Variants in RSU1 observed in about 807,000 individuals in gnomAD.
The protein encoded by RSU1 is rsu-1.
Under a neutral mutation model 31.1 loss-of-function variants are expected in RSU1, and 26 were observed. The ratio of observed to expected loss-of-function variants is 0.84; its 90% CI spans 0.61 to 1.16. RSU1 has a LOEUF of 1.16. RSU1 is among the 50% of genes most tolerant of loss of function. RSU1 has a pLI of 0.00. For synonymous variants in RSU1, 164 were observed against 136.3 expected, an observed-to-expected ratio of 1.20 and a Z score of -1.41; for missense variants, 320 against 339.1, an observed-to-expected ratio of 0.94 and a Z score of 0.44.
chr10:16,650,125 G>A (rs570145943), intron 8 of RSU1, among the ~76,000 whole-genome samples: 12 of 152,026 alleles, frequency 7.9e-5, no homozygotes, highest in Non-Finnish European at 1.8e-4. Context: ...ATGGAATCAC[G>A]CTAACAGAAA....
chr10:16,746,083 T>C (rs1396829558), intron 7 of RSU1, among the ~76,000 whole-genome samples: 1 of 152,218 alleles, frequency 6.6e-6, no homozygotes, highest in Non-Finnish European at 1.5e-5. Context: ...CACTCATTGT[T>C]AATTCTGTTT....
At chr10:16,694,721 C>G (rs898839574) in intron 8 of RSU1, among the ~76,000 whole-genome samples, 4 of 152,076 alleles carry the variant, frequency 2.6e-5, no homozygotes, top group African/African-American at 9.7e-5. Flanking sequence ...CAAGCATGCA[C>G]TACCATGCCT....
chr10:16,722,871 T>C (rs1474713719), intron 7 of RSU1, among the ~76,000 whole-genome samples: 3 of 143,032 alleles, frequency 2.1e-5, no homozygotes, highest in Non-Finnish European at 4.7e-5. Context: ...CATATATGTA[T>C]ATATACACAC....
chr10:16,628,101 CCTGT>C (rs915381174), intron 8 of RSU1, among the ~76,000 whole-genome samples: 42 of 152,286 alleles, frequency 2.8e-4, no homozygotes, highest in African/African-American at 9.1e-4. Context: ...ACTTCATTAG[CCTGT>C]CTATTACAAA....
Position 16,592,180 on chromosome 10 carries a change from C to A in RSU1, c.*1214G>T, listed in dbSNP as rs993948787. 6.6e-6 allele frequency: 1 copy of A among 152,172 alleles called. No homozygotes were observed. The highest frequency in any genetic ancestry group is 6.5e-5 in the Admixed American group (1 of 15,276). 9.4% of individuals were successfully genotyped at this position (152,172 alleles called of 1,614,324 possible). On this transcript the variant is annotated 3_prime_UTR_variant, in exon 9 of 9. Coordinates refer to ENST00000345264, the MANE Select transcript of RSU1 (RefSeq NM_012425.4). ...CCAGTGGGTCCTGGTCTTGGGAGCT[C>A]AACTGGGAAGCCGAAAGGACACAGC...
At chr10:16,605,368 C>G (rs1833785352) in intron 8 of RSU1, among the ~76,000 whole-genome samples, 1 of 152,150 alleles carries the variant, frequency 6.6e-6, no homozygotes, top group African/African-American at 2.4e-5. Flanking sequence ...CCTTATCTGT[C>G]TTGTTCAGTG....
chr10:16,786,013 G>A (rs1472913957), intron 2 of RSU1, among the ~76,000 whole-genome samples: 2 of 152,130 alleles, frequency 1.3e-5, no homozygotes, highest in Non-Finnish European at 2.9e-5. Flanking sequence ...AGACATTTTG[G>A]ATTGTAACAA....
intron 8 of RSU1, among the ~76,000 whole-genome samples, chr10:16,599,838 T>A (rs1833685655): frequency 6.6e-6 from 1 of 152,116 alleles, no homozygotes; most frequent in East Asian, 1.9e-4. Context: ...TTGGTGTAGA[T>A]CTTTCTGGGA....
At chr10:16,806,878 C>G (rs1245455790) in intron 2 of RSU1, among the ~76,000 whole-genome samples, 2 of 152,162 alleles carry the variant, frequency 1.3e-5, no homozygotes, top group African/African-American at 2.4e-5. Context: ...CTCAGCCTCC[C>G]AAGTAGCTGG....
intron 8 of RSU1, among the ~76,000 whole-genome samples, chr10:16,639,864 A>G (rs374403868): frequency 6.6e-6 from 1 of 152,352 alleles, no homozygotes; most frequent in East Asian, 1.9e-4. Context: ...TAGCACCTAG[A>G]AACAACCCAG....
chr10:16,603,109 C>T (rs1026551096), intron 8 of RSU1, among the ~76,000 whole-genome samples: 2 of 152,148 alleles, frequency 1.3e-5, no homozygotes, highest in Non-Finnish European at 2.9e-5. Context: ...CAGCGTGTGT[C>T]TGTCACATTC....
intron 8 of RSU1, among the ~76,000 whole-genome samples, chr10:16,644,071 C>G (rs1834492636): frequency 6.7e-6 from 1 of 150,062 alleles, no homozygotes; most frequent in African/African-American, 2.5e-5. Context: ...TAAGCATCTG[C>G]AGATTTTGGT....
intron 2 of RSU1, among the ~76,000 whole-genome samples, chr10:16,792,700 AC>A (rs1391401297): frequency 6.6e-6 from 1 of 152,226 alleles, no homozygotes; most frequent in African/African-American, 2.4e-5. Context: ...GCAGTTGTGC[AC>A]AGAGACAGCC....
chr10:16,804,345 G>A lies in RSU1; in HGVS notation c.109+12628C>T, dbSNP rs527746196. ...TGCTGGTGAGGATGTGGAGCAACAG[G>A]AAACCTCATTCTTTATTGGTAGAAA... On this transcript the variant is annotated intron_variant, in intron 2 of 8. Transcript: ENST00000345264. Among the ~76,000 whole-genome samples, 33 of 152,328 alleles carry A rather than the reference G, an allele frequency of 2.2e-4. 1 individual carries two copies. The South Asian group carries it at 6.6e-3, about 31-fold the overall frequency.
chr10:16,741,001 C>T (rs76155128), intron 7 of RSU1, among the ~76,000 whole-genome samples: 1 of 152,080 alleles, frequency 6.6e-6, no homozygotes, highest in Non-Finnish European at 1.5e-5. Context: ...CTCAAAATAG[C>T]TAAAACAATC....
intron 7 of RSU1, among the ~76,000 whole-genome samples, chr10:16,750,330 A>T (rs1310247862): frequency 6.6e-6 from 1 of 152,202 alleles, no homozygotes. Flanking sequence ...TATCAGGCAA[A>T]TGTTAAGATT....
At chr10:16,632,076 C>CCAGT (rs1564292223) in intron 8 of RSU1, among the ~76,000 whole-genome samples, 1 of 152,122 alleles carries the variant, frequency 6.6e-6, no homozygotes, top group Non-Finnish European at 1.5e-5. Flanking sequence ...TGGGAATGAC[C>CCAGT]CAGTGCCTCT....
At chr10:16,594,344 C>T (rs1311635439) in intron 8 of RSU1, among the ~76,000 whole-genome samples, 2 of 152,120 alleles carry the variant, frequency 1.3e-5, no homozygotes, top group East Asian at 3.9e-4. Flanking sequence ...CCAGCATCCA[C>T]ACAAGGAATA....
intron 2 of RSU1, among the ~76,000 whole-genome samples, chr10:16,812,406 C>G (rs1258466736): frequency 6.6e-6 from 1 of 152,202 alleles, no homozygotes; most frequent in Non-Finnish European, 1.5e-5. Flanking sequence ...CACGCCACTG[C>G]ACTCCAGCCT....
Sources: allele counts gnomAD v4.1 joint callset (sites outside exome capture counted in the v4.1 genomes callset), GRCh38; gene constraint gnomAD v4.1.1; transcripts MANE v1.5; gene names NCBI Gene and HGNC (gene_info 2026-07-23, HGNC 2026-07-21).